Variants in TNR observed in about 807,000 individuals in gnomAD.
TNR encodes the protein tenascin-R.
A neutral mutation model predicts 150.4 loss-of-function variants in TNR; 45 were observed. The observed-to-expected ratio is 0.30, with a 90% CI of 0.24 to 0.38. The LOEUF (loss-of-function observed/expected upper bound fraction) is 0.38, where lower values mean the gene tolerates loss of function less well. Ranked by LOEUF, TNR falls within the 10% of genes least tolerant of loss-of-function variation. TNR has a pLI of 1.00. For missense variants in TNR, 1,544 were observed against 1,759.1 expected, an observed-to-expected ratio of 0.88 and a Z score of 2.19; for synonymous variants, 687 against 678.4, an observed-to-expected ratio of 1.01 and a Z score of -0.20.
chr1:175,456,520 T>C (rs1656581080), intron 2 of TNR, among the ~76,000 whole-genome samples: 1 of 152,246 alleles, frequency 6.6e-6, no homozygotes, highest in African/African-American at 2.4e-5. Context: ...CGGTGCTTAA[T>C]AAATCTCCTA....
rs183245438 is a variant in TNR at position 175,363,979 on chromosome 1, C to T, written c.2588-152G>A. On this transcript the variant is annotated intron_variant, in intron 12 of 22. Transcript: ENST00000367674. Reference sequence around the variant, plus strand: ...ATAGGGTATCTTAAAACCATGGTCACGCTGATGTTTCACTTGAAACCTTGT... The same window carrying T: ...ATAGGGTATCTTAAAACCATGGTCATGCTGATGTTTCACTTGAAACCTTGT... The T allele has an allele frequency of 2.2e-5, 21 of 956,054 alleles. No homozygotes were observed. The Admixed American group carries it at 2.3e-4, about 10-fold the overall frequency. 59.2% of individuals were successfully genotyped at this position (956,054 alleles called of 1,614,324 possible). A position where few individuals can be genotyped will look rare whatever the true frequency, so the allele number is the denominator to read the frequency against.
intron 18 of TNR, among the ~76,000 whole-genome samples, chr1:175,338,755 T>C (rs1227846204): frequency 6.6e-6 from 1 of 152,112 alleles, no homozygotes; most frequent in Non-Finnish European, 1.5e-5. Context: ...TGACAGCACC[T>C]ACCCAAGGAT....
chr1:175,623,785 T>C (rs1424831933), intron 1 of TNR, among the ~76,000 whole-genome samples: 1 of 152,208 alleles, frequency 6.6e-6, no homozygotes, highest in East Asian at 1.9e-4. Flanking sequence ...AGGGGAAGAA[T>C]TGACATAGGA....
intron 2 of TNR, among the ~76,000 whole-genome samples, chr1:175,494,331 G>T (rs1658386801): frequency 6.6e-6 from 1 of 152,218 alleles, no homozygotes; most frequent in African/African-American, 2.4e-5. Flanking sequence ...TGTTAATCTG[G>T]GGCGGGAGCT....
chr1:175,329,927 A>G, intron 21 of TNR, 147 bp downstream of exon 21: 1 of 903,018 alleles, frequency 1.1e-6, no homozygotes, highest in Non-Finnish European at 1.6e-6. Context: ...AGTGGTTCCC[A>G]GTGGCATGGC....
rs190212215 is a variant in TNR, at chr1:175,714,825, G to A, written c.-165+28401C>T. On this transcript the variant is annotated intron_variant, in intron 1 of 22. Coordinates refer to ENST00000367674, the MANE Select transcript of TNR (RefSeq NM_003285.3). ...CAAGACAATCAGCCCAGAGTCTGTG[G>A]CTCAGCCTGCGGGGAGCCTTGTGAG... Among the ~76,000 whole-genome samples, 730 of 152,316 alleles carry A rather than the reference G, an allele frequency of 4.8e-3. 4 individuals are homozygous for A. Among genetic ancestry groups the A allele is most frequent in the Admixed American group, 0.011 (170 of 15,310 alleles).
chr1:175,355,481 T>C (rs189444335), intron 17 of TNR, 22 bp downstream of exon 17: 1 of 1,612,666 alleles, frequency 6.2e-7, no homozygotes, highest in Non-Finnish European at 8.5e-7. Context: ...AATGGTCTTT[T>C]CCCTTTCCAG....
At chr1:175,447,390 G>A (rs1656103433) in intron 2 of TNR, among the ~76,000 whole-genome samples, 1 of 152,078 alleles carries the variant, frequency 6.6e-6, no homozygotes. Flanking sequence ...TTGGAGGGTG[G>A]GCAGCGGGAA....
intron 2 of TNR, among the ~76,000 whole-genome samples, chr1:175,518,034 T>A (rs1055494760): frequency 6.6e-6 from 1 of 152,118 alleles, no homozygotes; most frequent in Non-Finnish European, 1.5e-5. Flanking sequence ...AGGAGGAGTG[T>A]TGATGGTTTA....
intron 1 of TNR, among the ~76,000 whole-genome samples, chr1:175,696,201 A>T (rs1666510776): frequency 6.8e-6 from 1 of 147,746 alleles, no homozygotes; most frequent in African/African-American, 2.5e-5. Context: ...TATGCCATTA[A>T]ATGAGCCTTC....
At chr1:175,742,238 T>C (rs1259004742) in intron 1 of TNR, among the ~76,000 whole-genome samples, 3 of 152,126 alleles carry the variant, frequency 2.0e-5, no homozygotes, top group African/African-American at 7.2e-5. Context: ...AAAGAAGTAA[T>C]AATGAGCTCC....
chr1:175,376,415 G>A (rs1372700974), intron 9 of TNR, among the ~76,000 whole-genome samples: 3 of 152,164 alleles, frequency 2.0e-5, no homozygotes, highest in East Asian at 1.9e-4. Context: ...AAGAAACAGA[G>A]GTTTAGAAAG....
intron 2 of TNR, among the ~76,000 whole-genome samples, chr1:175,429,631 G>A (rs890111867): frequency 6.6e-5 from 10 of 152,304 alleles, no homozygotes; most frequent in African/African-American, 2.4e-4. Flanking sequence ...CTTTTAAATA[G>A]CATCTTATGA....
intron 2 of TNR, among the ~76,000 whole-genome samples, chr1:175,465,044 A>G (rs1426015036): frequency 6.6e-6 from 1 of 152,294 alleles, no homozygotes; most frequent in African/African-American, 2.4e-5. Context: ...TGGGGTTTCA[A>G]TTCAAAACAT....
intron 9 of TNR, 58 bp downstream of exon 9, chr1:175,379,494 A>G (rs1018356156): frequency 8.6e-6 from 13 of 1,502,960 alleles, no homozygotes; most frequent in Non-Finnish European, 9.1e-6. Flanking sequence ...TTGGGGAGAC[A>G]GCTGTGAGGG....
chr1:175,545,641 CTTGCATGTATTAA>C (rs1348749512), intron 1 of TNR, among the ~76,000 whole-genome samples: 1 of 152,038 alleles, frequency 6.6e-6, no homozygotes, highest in African/African-American at 2.4e-5. Context: ...CTTTGATTGC[CTTGCATGTATTAA>C]TTTATTTGAT....
intron 5 of TNR, 125 bp downstream of exon 5, chr1:175,396,419 C>A: frequency 8.1e-7 from 1 of 1,236,436 alleles, no homozygotes; most frequent in South Asian, 1.5e-5. Context: ...CTAGCCCTTC[C>A]CCTCAAGGGC....
intron 1 of TNR, among the ~76,000 whole-genome samples, chr1:175,662,622 C>A (rs1665412917): frequency 6.6e-6 from 1 of 152,242 alleles, no homozygotes; most frequent in Non-Finnish European, 1.5e-5. Flanking sequence ...CAGGGATGAG[C>A]ATCTTCTTTC....
intron 22 of TNR, 85 bp from the exon 23 acceptor site, chr1:175,323,561 G>A: frequency 1.9e-6 from 3 of 1,558,194 alleles, no homozygotes; most frequent in East Asian, 2.3e-5. Context: ...TGGGAACAGG[G>A]AATCCACAAT....
Sources: gnomAD v4.1 joint callset for allele counts (sites outside exome capture counted in the v4.1 genomes callset) on GRCh38, gnomAD v4.1.1 for gene constraint, MANE v1.5 for transcripts, NCBI Gene and HGNC (gene_info 2026-07-23, HGNC 2026-07-21) for gene names.